ASCC1: variants seen among roughly 807,000 people sequenced by gnomAD.
ASCC1 encodes the protein ASC-1 complex subunit P50.
A neutral mutation model predicts 46.6 loss-of-function variants in ASCC1; 35 were observed. That is an observed-to-expected ratio of 0.75 (90% CI 0.57 to 0.99). The LOEUF is 0.99. Ranked by LOEUF, ASCC1 falls within the 50% of genes least tolerant of loss-of-function variation. The pLI is 0.00. For missense variants in ASCC1, 376 were observed against 428.7 expected, an observed-to-expected ratio of 0.88 and a Z score of 1.09; for synonymous variants, 143 against 146.6, an observed-to-expected ratio of 0.98 and a Z score of 0.18.
rs577512549 is a variant in ASCC1 at position 72,096,964 on chromosome 10, A to G, written c.*370T>C. 11 of 454,712 alleles carry G rather than the reference A, an allele frequency of 2.4e-5. No individual in the cohort carries two copies. The highest frequency in any genetic ancestry group is 1.4e-4 in the South Asian group (9 of 64,486). 28.2% of individuals were successfully genotyped at this position (454,712 alleles called of 1,614,324 possible). On this transcript the variant is annotated 3_prime_UTR_variant, in exon 10 of 10. Coordinates refer to ENST00000672957, the MANE Select transcript of ASCC1 (RefSeq NM_001198800.3). ...TTCCATTTTACAAGCTGAGAAGCCT[A>G]TGGAGATGGACGGCGGTGACGGCCA...
intron 4 of ASCC1, among the ~76,000 whole-genome samples, chr10:72,202,857 A>G (rs774437469): frequency 1.3e-5 from 2 of 152,182 alleles, no homozygotes; most frequent in Non-Finnish European, 2.9e-5. Context: ...ATCTCCTAAT[A>G]CACAGTGAAA....
intron 5 of ASCC1, among the ~76,000 whole-genome samples, chr10:72,186,979 C>T (rs147938955): frequency 2.7e-4 from 40 of 147,978 alleles, no homozygotes; most frequent in African/African-American, 7.4e-4. Flanking sequence ...TAACTTATTA[C>T]ACATCTGCTT....
intron 9 of ASCC1, among the ~76,000 whole-genome samples, chr10:72,098,875 T>A (rs1765354548): frequency 6.6e-6 from 1 of 152,224 alleles, no homozygotes. Context: ...GCAGCCTGCT[T>A]AAACCATATC....
upstream of ASCC1, chr10:72,216,826 A>G (rs2070966878): frequency 2.2e-6 from 1 of 456,226 alleles, no homozygotes; most frequent in Non-Finnish European, 4.4e-6. Context: ...CTTACCTGAC[A>G]GGGCCAAGTC....
At chr10:72,189,329 A>T (rs1854025127) in intron 5 of ASCC1, among the ~76,000 whole-genome samples, 1 of 151,898 alleles carries the variant, frequency 6.6e-6, no homozygotes, top group Non-Finnish European at 1.5e-5. Flanking sequence ...AATGGCGCAA[A>T]CCTGGGAGGC....
chr10:72,145,193 T>A (rs1847489713), intron 7 of ASCC1, among the ~76,000 whole-genome samples: 1 of 152,226 alleles, frequency 6.6e-6, no homozygotes, highest in Non-Finnish European at 1.5e-5. Context: ...TCTTTTAAGA[T>A]CTTCTCTTTG....
rs199939698 is a variant in ASCC1 at position 72,128,065 on chromosome 10, C to T, written c.957+17G>A. The T allele has an allele frequency of 1.0e-5, 16 of 1,600,172 alleles. No homozygotes were observed. In the South Asian group the frequency reaches 1.7e-4, roughly 17 times the overall value. ...CATGTGCCAAAGGATTTCCAATTCA[C>T]TCTGCTTCATACTGACCTTTAAAAT... On this transcript the variant is annotated intron_variant, in intron 9 of 9. Transcript: ENST00000672957.
At chr10:72,121,987 T>A (rs1349137602) in intron 9 of ASCC1, among the ~76,000 whole-genome samples, 1 of 152,156 alleles carries the variant, frequency 6.6e-6, no homozygotes, top group Admixed American at 6.5e-5. Flanking sequence ...CTAAAACAGA[T>A]CACATTCTGG....
intron 8 of ASCC1, among the ~76,000 whole-genome samples, chr10:72,132,289 G>A (rs561682208): frequency 1.3e-5 from 2 of 152,150 alleles, no homozygotes; most frequent in Non-Finnish European, 2.9e-5. Flanking sequence ...AGCTGCATAT[G>A]GCTTGAATGT....
chr10:72,210,704 C>G (rs748416264), intron 3 of ASCC1, 28 bp downstream of exon 3: 5 of 1,598,510 alleles, frequency 3.1e-6, no homozygotes, highest in Non-Finnish European at 4.3e-6. Context: ...AAGTGTCTTC[C>G]CATGAAACTG....
At chr10:72,174,992 T>C (rs988644011) in intron 5 of ASCC1, among the ~76,000 whole-genome samples, 1 of 152,356 alleles carries the variant, frequency 6.6e-6, no homozygotes, top group East Asian at 1.9e-4. Flanking sequence ...AAAATATGCA[T>C]GCTTCCCCTA....
At chr10:72,155,656 T>C (rs1379822815) in intron 6 of ASCC1, among the ~76,000 whole-genome samples, 1 of 152,216 alleles carries the variant, frequency 6.6e-6, no homozygotes. Context: ...TTTGTGTATC[T>C]GTAATTACTG....
chr10:72,200,715 C>G (rs1156480119), intron 4 of ASCC1, among the ~76,000 whole-genome samples: 1 of 151,126 alleles, frequency 6.6e-6, no homozygotes, highest in Non-Finnish European at 1.5e-5. Flanking sequence ...TATAAAATGA[C>G]CTTGGTATTT....
chr10:72,168,244 C>T (rs1381588881), intron 5 of ASCC1, among the ~76,000 whole-genome samples: 3 of 151,960 alleles, frequency 2.0e-5, no homozygotes, highest in Non-Finnish European at 2.9e-5. Context: ...AAAGAAAAAA[C>T]TCAAAATGCT....
chr10:72,190,036 G>A (rs1423592027), intron 5 of ASCC1: 3 of 758,770 alleles, frequency 4.0e-6, no homozygotes, highest in Non-Finnish European at 7.2e-6. Flanking sequence ...AGTACCGCCA[G>A]CTCTCTGCCC....
intron 9 of ASCC1, among the ~76,000 whole-genome samples, chr10:72,107,668 A>G (rs938962776): frequency 1.3e-5 from 2 of 152,220 alleles, no homozygotes; most frequent in East Asian, 1.9e-4. Context: ...AAAAAAATTG[A>G]TATTTCTTTT....
At chr10:72,130,688 G>A (rs189633453) in intron 8 of ASCC1, among the ~76,000 whole-genome samples, 21 of 152,122 alleles carry the variant, frequency 1.4e-4, no homozygotes, top group African/African-American at 3.9e-4. Context: ...TACCTGCAAC[G>A]CCCAAAACAG....
rs747559135 is a variant in ASCC1 at position 72,096,696 on chromosome 10, C to A, written c.*638G>T. Reference sequence around the variant, plus strand: ...ACTGATGGAGGAACAGAGTGTGGTACGCACATGTAACGGAACATTCCATTA... The same window carrying A: ...ACTGATGGAGGAACAGAGTGTGGTAAGCACATGTAACGGAACATTCCATTA... On this transcript the variant is annotated 3_prime_UTR_variant, in exon 10 of 10. Coordinates refer to ENST00000672957, the MANE Select transcript of ASCC1 (RefSeq NM_001198800.3). The A allele has an allele frequency of 2.2e-6, 1 of 454,028 alleles. No individual in the cohort carries two copies. The highest frequency in any genetic ancestry group is 1.6e-5 in the South Asian group (1 of 64,472). The allele number at this position is 454,028 out of a possible 1,614,324, so 28.1% of individuals were successfully genotyped here. A position where few individuals can be genotyped will look rare whatever the true frequency, so the allele number is the denominator to read the frequency against.
chr10:72,170,124 G>GAA (rs112103477), intron 5 of ASCC1, among the ~76,000 whole-genome samples: 8 of 136,336 alleles, frequency 5.9e-5, no homozygotes, highest in African/African-American at 8.0e-5. Flanking sequence ...CCGTCTCAAA[G>GAA]AAAAAAAAAA....
Sources: gnomAD v4.1 joint callset for allele counts (sites outside exome capture counted in the v4.1 genomes callset) on GRCh38, gnomAD v4.1.1 for gene constraint, MANE v1.5 for transcripts, NCBI Gene and HGNC (gene_info 2026-07-23, HGNC 2026-07-21) for gene names.